The following CNTNAP2 variants were observed in gnomAD, a reference collection of about 807,000 sequenced individuals.
CNTNAP2 encodes contactin associated protein 2.
A neutral mutation model predicts 155.2 loss-of-function variants in CNTNAP2; 98 were observed. The ratio of observed to expected loss-of-function variants is 0.63; its 90% CI spans 0.54 to 0.75. CNTNAP2 has a LOEUF of 0.75. CNTNAP2 is among the 30% of genes least tolerant of loss of function. CNTNAP2 has a pLI of 0.00. For synonymous variants in CNTNAP2, 651 were observed against 631.2 expected (o/e 1.03, Z -0.47); for missense variants, 1,727 against 1,688.1 (o/e 1.02, Z -0.40).
At chr7:147,506,007 G>C (rs1002856523) in intron 11 of CNTNAP2, among the ~76,000 whole-genome samples, 1 of 152,136 alleles carries the variant, frequency 6.6e-6, no homozygotes, top group Non-Finnish European at 1.5e-5. Context: ...CAGCAGACTG[G>C]GGTGAACAGT....
chr7:146,136,159 TAAG>T (rs1486125627), intron 1 of CNTNAP2, among the ~76,000 whole-genome samples: 1 of 152,174 alleles, frequency 6.6e-6, no homozygotes, highest in East Asian at 1.9e-4. Flanking sequence ...AAAAAAAGTC[TAAG>T]AAGATGATCA....
intron 21 of CNTNAP2, among the ~76,000 whole-genome samples, chr7:148,298,718 G>T (rs963502379): frequency 5.3e-5 from 8 of 152,034 alleles, no homozygotes; most frequent in African/African-American, 1.9e-4. Flanking sequence ...TTTAGACAGG[G>T]TCTCACTCTG....
intron 10 of CNTNAP2, among the ~76,000 whole-genome samples, chr7:147,463,745 A>G (rs1244081932): frequency 6.6e-6 from 1 of 151,096 alleles, no homozygotes; most frequent in Non-Finnish European, 1.5e-5. Context: ...ATTTACAACA[A>G]ACATTGCCTT....
intron 22 of CNTNAP2, among the ~76,000 whole-genome samples, chr7:148,401,557 AAT>A (rs1799582552): frequency 6.6e-6 from 1 of 152,184 alleles, no homozygotes; most frequent in Non-Finnish European, 1.5e-5. Flanking sequence ...TATTTTATGA[AAT>A]ACAAAATCTG....
At chr7:147,952,272 A>G (rs12703984) in intron 14 of CNTNAP2, among the ~76,000 whole-genome samples, 4,678 of 17,770 alleles carry the variant, frequency 0.26, 1,658 homozygotes, top group East Asian at 0.61. Context: ...GAGAAACCCC[A>G]TCTCTACTAA....
intron 9 of CNTNAP2, among the ~76,000 whole-genome samples, chr7:147,332,000 C>T (rs1795579364): frequency 6.6e-6 from 1 of 152,158 alleles, no homozygotes. Flanking sequence ...CTCAGCTGCC[C>T]TCTCCTTATT....
At chr7:147,987,311 C>A (rs574891441) in intron 15 of CNTNAP2, among the ~76,000 whole-genome samples, 63 of 152,366 alleles carry the variant, frequency 4.1e-4, no homozygotes, top group Non-Finnish European at 7.2e-4. Context: ...AGTTACTCAA[C>A]TTCAGCTGCA....
intron 14 of CNTNAP2, among the ~76,000 whole-genome samples, chr7:147,960,339 C>T (rs956602754): frequency 6.6e-6 from 1 of 152,012 alleles, no homozygotes; most frequent in Non-Finnish European, 1.5e-5. Context: ...AGCTTTATGC[C>T]GTCACTGGCA....
chr7:147,990,049 G>A (rs541782778), intron 15 of CNTNAP2, among the ~76,000 whole-genome samples: 147 of 69,152 alleles, frequency 2.1e-3, no homozygotes, highest in African/African-American at 0.017. Flanking sequence ...CTGACCAACT[G>A]ACTACAAATT....
intron 13 of CNTNAP2, among the ~76,000 whole-genome samples, chr7:147,667,081 G>C (rs769583386): frequency 2.6e-5 from 4 of 152,170 alleles, no homozygotes; most frequent in Non-Finnish European, 4.4e-5. Flanking sequence ...GAAAAGGCTG[G>C]ACCCAACTAC....
At chr7:147,309,912 G>T (rs1177436744) in intron 9 of CNTNAP2, among the ~76,000 whole-genome samples, 2 of 151,688 alleles carry the variant, frequency 1.3e-5, no homozygotes, top group Non-Finnish European at 2.9e-5. Flanking sequence ...TCTATTATGA[G>T]AATATCAATG....
intron 1 of CNTNAP2, among the ~76,000 whole-genome samples, chr7:146,258,155 G>A (rs904653618): frequency 1.3e-5 from 2 of 152,154 alleles, no homozygotes; most frequent in Non-Finnish European, 2.9e-5. Context: ...CCCTTCCAGA[G>A]TGCTGAGATT....
intron 8 of CNTNAP2, among the ~76,000 whole-genome samples, chr7:147,135,222 T>C (rs749988123): frequency 6.6e-6 from 1 of 151,862 alleles, no homozygotes; most frequent in East Asian, 1.9e-4. Flanking sequence ...AAGAGTCTCA[T>C]TAGTAATCAA....
At chr7:146,404,269 G>A (rs1301300117) in intron 1 of CNTNAP2, among the ~76,000 whole-genome samples, 1 of 152,126 alleles carries the variant, frequency 6.6e-6, no homozygotes, top group African/African-American at 2.4e-5. Flanking sequence ...TGTGGAGTGA[G>A]TTATGCTGAA....
At chr7:147,386,164 G>A (rs985618067) in intron 9 of CNTNAP2, among the ~76,000 whole-genome samples, 2 of 152,092 alleles carry the variant, frequency 1.3e-5, no homozygotes, top group African/African-American at 2.4e-5. Flanking sequence ...CCCTGAGCCC[G>A]ACCCATGAAA....
chr7:148,186,336 C>T (rs1359962481), intron 18 of CNTNAP2, among the ~76,000 whole-genome samples: 1 of 152,118 alleles, frequency 6.6e-6, no homozygotes, highest in Non-Finnish European at 1.5e-5. Context: ...AATGAAGAAA[C>T]AGAGACTTCT....
At chr7:147,878,973 G>A (rs1372929712) in intron 13 of CNTNAP2, among the ~76,000 whole-genome samples, 1 of 152,080 alleles carries the variant, frequency 6.6e-6, no homozygotes, top group Non-Finnish European at 1.5e-5. Flanking sequence ...ACTCTGTTAC[G>A]GTTTTCACAA....
intron 11 of CNTNAP2, among the ~76,000 whole-genome samples, chr7:147,519,727 CA>C (rs1338630947): frequency 6.6e-6 from 1 of 152,114 alleles, no homozygotes; most frequent in Non-Finnish European, 1.5e-5. Flanking sequence ...ATTAGCTGGA[CA>C]TGGTGGTGTG....
At chr7:148,395,623 A>C (rs564431235) in intron 22 of CNTNAP2, among the ~76,000 whole-genome samples, 7 of 152,036 alleles carry the variant, frequency 4.6e-5, no homozygotes, top group Non-Finnish European at 1.0e-4. Flanking sequence ...AAAGAGCAAA[A>C]CGTCACTTAA....
Sources: gnomAD v4.1 joint callset for allele counts (sites outside exome capture counted in the v4.1 genomes callset) on GRCh38, gnomAD v4.1.1 for gene constraint, MANE v1.5 for transcripts, NCBI Gene and HGNC (gene_info 2026-07-23, HGNC 2026-07-21) for gene names.